Variants in LINGO2 observed in about 807,000 individuals in gnomAD.
LINGO2 encodes the protein leucine-rich repeat and immunoglobulin-like domain-containing nogo receptor-interacting protein 2.
LINGO2 carries 14 observed loss-of-function variants against 30.6 expected under a neutral mutation model. That is an observed-to-expected ratio of 0.46 (90% CI 0.30 to 0.72). The LOEUF (loss-of-function observed/expected upper bound fraction) is 0.72, where lower values mean the gene tolerates loss of function less well. Among genes scored for constraint, LINGO2 ranks in the 30% least tolerant of loss-of-function variants. The pLI is 0.07. For synonymous variants in LINGO2, 317 were observed against 288.5 expected, an observed-to-expected ratio of 1.10 and a Z score of -1.00; for missense variants, 729 against 751.7, an observed-to-expected ratio of 0.97 and a Z score of 0.35.
the LINGO2 span, among the ~76,000 whole-genome samples, chr9:28,982,138 A>T: frequency 7.2e-5 from 11 of 151,952 alleles, no homozygotes; most frequent in Non-Finnish European, 1.2e-4. Context: ...CAAATTTCTA[A>T]ACATCATCCT....
intron 3 of LINGO2, among the ~76,000 whole-genome samples, chr9:28,365,776 T>C (rs996082978): frequency 4.6e-5 from 7 of 151,668 alleles, no homozygotes; most frequent in African/African-American, 1.7e-4. Context: ...TTTTTTTTTT[T>C]TTTTTTTTCC....
chr9:28,022,927 CATT>C (rs1823204712), intron 4 of LINGO2, among the ~76,000 whole-genome samples: 1 of 151,804 alleles, frequency 6.6e-6, no homozygotes, highest in African/African-American at 2.4e-5. Flanking sequence ...CTTAAAAGCT[CATT>C]GTTTCTTTTC....
At chr9:28,634,759 T>A (rs2135900806) in intron 1 of LINGO2, among the ~76,000 whole-genome samples, 1 of 152,226 alleles carries the variant, frequency 6.6e-6, no homozygotes, top group East Asian at 1.9e-4. Flanking sequence ...GTGCTAGGAT[T>A]ACAGGCATGA....
At chr9:29,188,837 C>A in the LINGO2 span, among the ~76,000 whole-genome samples, 1 of 132,646 alleles carries the variant, frequency 7.5e-6, no homozygotes, top group African/African-American at 2.9e-5. Flanking sequence ...GGGCTGACCC[C>A]CCCGCCACCT....
chr9:29,103,748 G>A, the LINGO2 span, among the ~76,000 whole-genome samples: 1 of 152,234 alleles, frequency 6.6e-6, no homozygotes. Flanking sequence ...AATTGGGGAA[G>A]TTTATGACAC....
the LINGO2 span, among the ~76,000 whole-genome samples, chr9:28,829,474 C>T: frequency 6.6e-6 from 1 of 152,236 alleles, no homozygotes; most frequent in African/African-American, 2.4e-5. Context: ...TAAAAAAGCA[C>T]TACCTATAAC....
Position 28,029,162 on chromosome 9 carries a change from G to A in LINGO2, c.-86-16757C>T, listed in dbSNP as rs565716942. On this transcript the variant is annotated intron_variant, in intron 4 of 5. Coordinates refer to ENST00000379992, the Ensembl canonical transcript of LINGO2. ...TGGTATTTAAATATCAAAAAATAAG[G>A]TCCCTTTAAGAAGCCAAGTGATAAG... Among the ~76,000 whole-genome samples, 18 of 152,122 alleles carry A rather than the reference G, an allele frequency of 1.2e-4. No individual in the cohort carries two copies. In the South Asian group the frequency reaches 1.9e-3, roughly 16 times the overall value.
chr9:29,008,782 T>A, the LINGO2 span, among the ~76,000 whole-genome samples: 1 of 152,054 alleles, frequency 6.6e-6, no homozygotes, highest in Non-Finnish European at 1.5e-5. Context: ...TTGTTTGATT[T>A]TTTTCTTGTA....
chr9:28,110,915 T>C (rs1382558661), intron 4 of LINGO2, among the ~76,000 whole-genome samples: 1 of 152,172 alleles, frequency 6.6e-6, no homozygotes. Context: ...TAAATCATTC[T>C]ACTATAAAGA....
At chr9:28,475,618 C>T (rs887610300) in intron 2 of LINGO2, among the ~76,000 whole-genome samples, 1 of 152,070 alleles carries the variant, frequency 6.6e-6, no homozygotes, top group African/African-American at 2.4e-5. Flanking sequence ...TCTTTATATG[C>T]AATGTCTTAG....
intron 2 of LINGO2, among the ~76,000 whole-genome samples, chr9:28,374,936 G>A (rs959574214): frequency 2.2e-4 from 34 of 152,144 alleles, no homozygotes; most frequent in Middle Eastern, 6.8e-3. Context: ...AAAAGATAAG[G>A]ACAAAGTATA....
At chr9:28,111,247 G>A (rs926399314) in intron 4 of LINGO2, among the ~76,000 whole-genome samples, 8 of 151,982 alleles carry the variant, frequency 5.3e-5, no homozygotes, top group African/African-American at 1.7e-4. Context: ...GGGCTTGGGG[G>A]CTACAGGAGG....
At chr9:28,675,903 A>G in the LINGO2 span, among the ~76,000 whole-genome samples, 11 of 120,056 alleles carry the variant, frequency 9.2e-5, 1 homozygote, top group African/African-American at 3.2e-4. Context: ...GTGTGTGTGT[A>G]TGTATATATA....
chr9:29,025,576 C>T, the LINGO2 span, among the ~76,000 whole-genome samples: 1 of 151,992 alleles, frequency 6.6e-6, no homozygotes, highest in African/African-American at 2.4e-5. Context: ...TGTATGTATT[C>T]ACTCTATACT....
intron 1 of LINGO2, among the ~76,000 whole-genome samples, chr9:28,640,149 C>G (rs572170816): frequency 6.6e-6 from 1 of 151,990 alleles, no homozygotes. Context: ...ACTAGTGGCC[C>G]CCACTCTCTT....
the LINGO2 span, among the ~76,000 whole-genome samples, chr9:29,188,909 G>A: frequency 3.1e-3 from 457 of 149,524 alleles, 3 homozygotes; most frequent in African/African-American, 0.011. Context: ...AGGGGTGGCC[G>A]GGCAGAGGCG....
At chr9:29,182,050 A>G in the LINGO2 span, among the ~76,000 whole-genome samples, 2 of 152,208 alleles carry the variant, frequency 1.3e-5, no homozygotes, top group Non-Finnish European at 2.9e-5. Context: ...GCGCCCACCT[A>G]TGAAAATTGT....
the LINGO2 span, among the ~76,000 whole-genome samples, chr9:28,723,874 T>C: frequency 6.6e-6 from 1 of 152,134 alleles, no homozygotes; most frequent in Non-Finnish European, 1.5e-5. Context: ...GAAGAGGTTA[T>C]TAAATAAGAC....
chr9:28,808,441 C>A, the LINGO2 span, among the ~76,000 whole-genome samples: 2 of 152,132 alleles, frequency 1.3e-5, no homozygotes, highest in Admixed American at 6.6e-5. Context: ...ACATTCTGAC[C>A]TTTCTGGTAA....
Sources: allele counts gnomAD v4.1 joint callset (sites outside exome capture counted in the v4.1 genomes callset), GRCh38; gene constraint gnomAD v4.1.1; transcripts MANE v1.5; gene names NCBI Gene and HGNC (gene_info 2026-07-23, HGNC 2026-07-21).